ATP9B: variants seen among roughly 807,000 people sequenced by gnomAD.
The protein encoded by ATP9B is ATPase phospholipid transporting 9B, also known as probable phospholipid-transporting ATPase IIB.
Under a neutral mutation model 146.1 loss-of-function variants are expected in ATP9B, and 110 were observed. The observed-to-expected ratio is 0.75, with a 90% CI of 0.65 to 0.88. ATP9B has a LOEUF of 0.88. Among genes scored for constraint, ATP9B ranks in the 40% least tolerant of loss-of-function variants. The pLI is 0.00. For synonymous variants in ATP9B, 604 were observed against 569.7 expected (o/e 1.06, Z -0.86); for missense variants, 1,499 against 1,496.4 (o/e 1.00, Z -0.03).
chr18:79,350,528 C>G (rs780570039), intron 25 of ATP9B, among the ~76,000 whole-genome samples: 30 of 152,172 alleles, frequency 2.0e-4, no homozygotes, highest in Non-Finnish European at 4.1e-4. Flanking sequence ...TCAACTTGAA[C>G]CTTATTTCAT....
At chr18:79,259,349 A>G (rs1459149773) in intron 12 of ATP9B, among the ~76,000 whole-genome samples, 3 of 152,218 alleles carry the variant, frequency 2.0e-5, no homozygotes, top group African/African-American at 7.2e-5. Context: ...TTTCGTCCGT[A>G]TGCTTTGAAA....
rs571471580 is a variant in ATP9B at position 79,199,952 on chromosome 18, C to T, written c.954+6689C>T. ...CTGGCAGAACCCTGGAAGGACCTGCCGGAGGCTGTTTTACAATTAAGTTTG... is the reference window on the plus strand; with the variant it reads ...CTGGCAGAACCCTGGAAGGACCTGCTGGAGGCTGTTTTACAATTAAGTTTG... On this transcript the variant is annotated intron_variant, in intron 9 of 29. Transcript: ENST00000426216. 1.6e-3 allele frequency among the ~76,000 whole-genome samples: 245 copies of T among 152,134 alleles called. 2 individuals are homozygous for T. The highest frequency in any genetic ancestry group is 5.6e-3 in the African/African-American group (232 of 41,496).
At chr18:79,209,083 G>A (rs745582397) in intron 10 of ATP9B, among the ~76,000 whole-genome samples, 2 of 152,198 alleles carry the variant, frequency 1.3e-5, no homozygotes, top group Non-Finnish European at 2.9e-5. Context: ...CTGGCCTCAC[G>A]CTGAATGGCT....
In ATP9B at chr18:79,120,249, T is replaced by C. The variant is rs117090528; in HGVS notation, c.559-6018T>C. Among the ~76,000 whole-genome samples, 1,043 of 152,320 alleles carry C rather than the reference T, an allele frequency of 6.8e-3. 1 individual carries two copies. Among genetic ancestry groups the C allele is most frequent in the Non-Finnish European group, 0.01 (690 of 68,020 alleles). On this transcript the variant is annotated intron_variant, in intron 4 of 29. Coordinates refer to ENST00000426216, the MANE Select transcript of ATP9B (RefSeq NM_198531.5). ...CTATAATGTTCTCAAGAAAAAGATATCAGTTAACATTTCCAGATTTCTTCT... is the reference window on the plus strand; with the variant it reads ...CTATAATGTTCTCAAGAAAAAGATACCAGTTAACATTTCCAGATTTCTTCT...
chr18:79,295,893 G>A (rs1197846393), intron 13 of ATP9B, among the ~76,000 whole-genome samples: 3 of 152,210 alleles, frequency 2.0e-5, no homozygotes, highest in Non-Finnish European at 4.4e-5. Context: ...AAATCTCCTG[G>A]TGCCTCATCT....
chr18:79,134,576 C>T (rs2147292443), intron 5 of ATP9B, among the ~76,000 whole-genome samples: 1 of 152,338 alleles, frequency 6.6e-6, no homozygotes, highest in South Asian at 2.1e-4. Flanking sequence ...GGCCAGGGGG[C>T]TGCCCTGTGA....
At chr18:79,193,522 A>C (rs547382255) in intron 9 of ATP9B, among the ~76,000 whole-genome samples, 1 of 152,354 alleles carries the variant, frequency 6.6e-6, no homozygotes, top group South Asian at 2.1e-4. Context: ...TGAATCAGTT[A>C]AATGAAGTAA....
intron 2 of ATP9B, among the ~76,000 whole-genome samples, chr18:79,105,223 G>T (rs527248505): frequency 4.0e-4 from 61 of 152,306 alleles, no homozygotes; most frequent in African/African-American, 1.5e-3. Context: ...TAAATTTTCA[G>T]TTGTGAATGT....
At chr18:79,103,710 A>G (rs1615372) in intron 2 of ATP9B, among the ~76,000 whole-genome samples, 20,096 of 152,142 alleles carry the variant, frequency 0.13, 1,924 homozygotes, top group African/African-American at 0.27. Context: ...GAGATCATCA[A>G]TAATCAGCAA....
intron 1 of ATP9B, among the ~76,000 whole-genome samples, chr18:79,092,914 A>G (rs1474711118): frequency 6.6e-6 from 1 of 152,216 alleles, no homozygotes; most frequent in Admixed American, 6.5e-5. Context: ...AGTATAGTAA[A>G]TACATAAACC....
chr18:79,133,296 A>T (rs1290511722), intron 5 of ATP9B, among the ~76,000 whole-genome samples: 1 of 152,208 alleles, frequency 6.6e-6, no homozygotes, highest in Non-Finnish European at 1.5e-5. Flanking sequence ...TTCAGTATAC[A>T]TCCTGGTATT....
At chr18:79,113,683 G>T (rs646780) in intron 4 of ATP9B, among the ~76,000 whole-genome samples, 20,055 of 152,118 alleles carry the variant, frequency 0.13, 1,925 homozygotes, top group African/African-American at 0.27. Flanking sequence ...TGGGAATGGG[G>T]GCTGGGGCTG....
intron 8 of ATP9B, among the ~76,000 whole-genome samples, chr18:79,181,069 C>T (rs2095247098): frequency 6.6e-6 from 1 of 152,080 alleles, no homozygotes; most frequent in Admixed American, 6.5e-5. Context: ...CCTTGGCCTC[C>T]CAAAGTGGGG....
At chr18:79,376,013 C>G in intron 29 of ATP9B, 1 of 985,228 alleles carries the variant, frequency 1.0e-6, no homozygotes, top group Non-Finnish European at 1.2e-6. Context: ...GATGGTTCTT[C>G]TGTGGAGATG....
chr18:79,290,771 A>G (rs899484953), intron 13 of ATP9B, among the ~76,000 whole-genome samples: 47 of 151,984 alleles, frequency 3.1e-4, no homozygotes, highest in African/African-American at 9.9e-4. Flanking sequence ...CCCCCCTTCC[A>G]TTTCTTGTAA....
chr18:79,185,338 A>G (rs1476928456), intron 8 of ATP9B, among the ~76,000 whole-genome samples: 2 of 109,220 alleles, frequency 1.8e-5, no homozygotes, highest in Admixed American at 1.6e-4. Context: ...CTTCAATATT[A>G]TAAGGATACT....
chr18:79,336,862 T>G, intron 18 of ATP9B, 151 bp downstream of exon 18: 1 of 770,652 alleles, frequency 1.3e-6, no homozygotes, highest in Admixed American at 2.6e-5. Context: ...GGGGTGATCC[T>G]GTCTGCATTT....
chr18:79,337,190 TG>T, intron 18 of ATP9B, 88 bp from the exon 19 acceptor site: 1 of 1,521,306 alleles, frequency 6.6e-7, no homozygotes, highest in Admixed American at 1.8e-5. Context: ...CCTCCCCCTC[TG>T]TCCCCACAGC....
At chr18:79,232,325 C>G (rs1274674828) in intron 11 of ATP9B, among the ~76,000 whole-genome samples, 1 of 152,198 alleles carries the variant, frequency 6.6e-6, no homozygotes. Flanking sequence ...TGTCTGCACA[C>G]CATCAGGGCT....
Sources: allele counts gnomAD v4.1 joint callset (sites outside exome capture counted in the v4.1 genomes callset), GRCh38; gene constraint gnomAD v4.1.1; transcripts MANE v1.5; gene names NCBI Gene and HGNC (gene_info 2026-07-23, HGNC 2026-07-21).